WDR36: variants seen among roughly 807,000 people sequenced by gnomAD.
The protein encoded by WDR36 is WD repeat-containing protein 36.
A neutral mutation model predicts 112.7 loss-of-function variants in WDR36; 63 were observed. The observed-to-expected ratio is 0.56, with a 90% CI of 0.46 to 0.69. The LOEUF (loss-of-function observed/expected upper bound fraction) is 0.69. Among genes scored for constraint, WDR36 ranks in the 30% least tolerant of loss-of-function variants. WDR36 has a pLI of 0.00. For synonymous variants in WDR36, 410 were observed against 362.2 expected (o/e 1.13, Z -1.50); for missense variants, 1,226 against 1,070.3 (o/e 1.15, Z -2.03).
At position 111,128,305 on chromosome 5, in the gene WDR36, T is replaced by A. The variant is rs1401298199; in HGVS notation, c.*1422T>A. On this transcript the variant is annotated 3_prime_UTR_variant, in exon 23 of 23. Coordinates refer to ENST00000513710, the MANE Select transcript of WDR36 (RefSeq NM_139281.3). ...AAAGGCATTTACCAGTGATATCTTTTAATATTCATGTTTTTATTTAATGAT... is the reference window on the plus strand; with the variant it reads ...AAAGGCATTTACCAGTGATATCTTTAAATATTCATGTTTTTATTTAATGAT... The A allele has an allele frequency of 1.6e-5, 3 of 186,206 alleles. No homozygotes were observed. The highest frequency in any genetic ancestry group is 1.2e-4 in the Admixed American group (2 of 16,042). The allele number at this position is 186,206 out of a possible 1,614,324, so 11.5% of individuals were successfully genotyped here.
chr5:111,104,698 T>A lies in WDR36; in HGVS notation c.908T>A (p.Ile303Lys). ...VTNGADNALR[I>K]WIFDGPTGEG... ...ACTGACGTTTTTATTTCTTGGCAGA[T>A]ATGGATATTTGATGGTCCTACAGGT... Residue 303 changes from isoleucine to lysine, a missense_variant and splice_region_variant, in exon 9 of 23, where the codon ATA becomes AAA. Physicochemically the swap from Ile to Lys is moderately radical, Grantham distance 102. Coordinates refer to ENST00000513710, the MANE Select transcript of WDR36 (RefSeq NM_139281.3). 6.2e-7 allele frequency: 1 copy of A among 1,611,026 alleles called. No homozygotes were observed. Among genetic ancestry groups the A allele is most frequent in the Non-Finnish European group, 8.5e-7 (1 of 1,177,722 alleles).
Position 111,095,038 on chromosome 5 carries a change from C to G in WDR36, c.190+91C>G, listed in dbSNP as rs148681460. The G allele has an allele frequency of 3.3e-5, 40 of 1,206,330 alleles. No individual in the cohort carries two copies. In the East Asian group the frequency reaches 8.5e-4, roughly 26 times the overall value. The allele number at this position is 1,206,330 out of a possible 1,614,324, so 74.7% of individuals were successfully genotyped here. ...GAGACTTACAGAGCATATAAGGAAG[C>G]CAAGGTAACATGTATGTCTTATAAA... On this transcript the variant is annotated intron_variant, in intron 2 of 22. Transcript: ENST00000513710.
In WDR36 at chr5:111,129,328, A is replaced by G. The variant is rs1753738792; in HGVS notation, c.*2445A>G. ...GAAGAGATACTTCCATTTGGGTTCC[A>G]GAATGGCTGTATCAAGTTACAGTTC... is the stretch of plus-strand genomic sequence containing the variant. On this transcript the variant is annotated 3_prime_UTR_variant, in exon 23 of 23. Coordinates refer to ENST00000513710, the MANE Select transcript of WDR36 (RefSeq NM_139281.3). 5.1e-6 allele frequency: 1 copy of G among 194,622 alleles called. No homozygotes were observed. The allele number at this position is 194,622 out of a possible 1,614,324, so 12.1% of individuals were successfully genotyped here.
At chr5:111,113,976 T>A (rs1753403473) in intron 16 of WDR36, among the ~76,000 whole-genome samples, 1 of 152,164 alleles carries the variant, frequency 6.6e-6, no homozygotes, top group Non-Finnish European at 1.5e-5. Context: ...GGGGATTAAG[T>A]TTAAACATGA....
intron 1 of WDR36, among the ~76,000 whole-genome samples, chr5:111,094,474 A>T (rs1471871930): frequency 6.6e-6 from 1 of 152,044 alleles, no homozygotes; most frequent in East Asian, 1.9e-4. Flanking sequence ...TGACATGTTT[A>T]AATGTTTGTG....
chr5:111,110,190 C>T lies in WDR36; in HGVS notation c.1328C>T (p.Ala443Val). 3.1e-6 allele frequency: 5 copies of T among 1,606,120 alleles called. No homozygotes were observed. Among genetic ancestry groups the T allele is most frequent in the Non-Finnish European group, 4.3e-6 (5 of 1,173,564 alleles). Residue 443 changes from alanine (A) to valine (V), a missense_variant and splice_region_variant, in exon 13 of 23, where the codon GCA becomes GTA. Coordinates refer to ENST00000513710, the MANE Select transcript of WDR36 (RefSeq NM_139281.3). ...ELKKDDITAT[A>V]VDITSCGNFA... ...ATTTGTGGGTTTTTTTTCTTAAAGG[C>T]AGTGGATATAACTTCTTGTGGAAAC...
Position 111,127,143 on chromosome 5 carries a change from C to A in WDR36, c.*260C>A, listed in dbSNP as rs1753691784. 1 of 351,192 alleles carries A rather than the reference C, an allele frequency of 2.8e-6. No homozygotes were observed. The highest frequency in any genetic ancestry group is 2.1e-5 in the African/African-American group (1 of 47,514). 21.8% of individuals were successfully genotyped at this position (351,192 alleles called of 1,614,324 possible). On this transcript the variant is annotated 3_prime_UTR_variant, in exon 23 of 23. Transcript: ENST00000513710. ...CTTGAAGCCAGGAATTTGAGCCCAG[C>A]CTGGGCAACATAGCAAGCAAGATCC... is the stretch of plus-strand genomic sequence containing the variant.
Position 111,126,975 on chromosome 5 carries a change from T to G in WDR36, c.*92T>G. 1 of 1,273,940 alleles carries G rather than the reference T, an allele frequency of 7.8e-7. No homozygotes were observed. Among genetic ancestry groups the G allele is most frequent in the Non-Finnish European group, 1.1e-6 (1 of 931,188 alleles). The allele number at this position is 1,273,940 out of a possible 1,614,324, so 78.9% of individuals were successfully genotyped here. A position where few individuals can be genotyped will look rare whatever the true frequency, so the allele number is the denominator to read the frequency against. ...TCCAAGTGTCAATGTGAAAAGAAAA[T>G]AAATGCTAGCACTACTGACTAGTCA... is the stretch of plus-strand genomic sequence containing the variant. On this transcript the variant is annotated 3_prime_UTR_variant, in exon 23 of 23. Coordinates refer to ENST00000513710, the MANE Select transcript of WDR36 (RefSeq NM_139281.3).
At chr5:111,100,527 A>T in intron 4 of WDR36, 62 bp from the exon 5 acceptor site, 1 of 1,152,730 alleles carries the variant, frequency 8.7e-7, no homozygotes, top group Non-Finnish European at 1.2e-6. Flanking sequence ...TGATAAATAT[A>T]TGGTTACATA....
chr5:111,102,008 T>C (rs1561702772), intron 5 of WDR36, among the ~76,000 whole-genome samples: 1 of 151,808 alleles, frequency 6.6e-6, no homozygotes, highest in Admixed American at 6.6e-5. Flanking sequence ...ATATAAGTTA[T>C]TCCCTTTCAT....
Position 111,093,377 on chromosome 5 carries a change from A to G in WDR36, c.162+759A>G, listed in dbSNP as rs1752909729. The stretch of plus-strand genomic sequence containing the variant: ...TGATAATAGTCAGTGTTAATTAAGT[A>G]CTTTCTTTTCTGGAAAACAGGTAGA... On this transcript the variant is annotated intron_variant, in intron 1 of 22. Transcript: ENST00000513710. Among the ~76,000 whole-genome samples the G allele has an allele frequency of 2.0e-5, 3 of 152,344 alleles. No homozygotes were observed. In the East Asian group the frequency reaches 5.8e-4, roughly 29 times the overall value.
chr5:111,100,808 T>G, intron 5 of WDR36, 87 bp downstream of exon 5: 1 of 1,341,158 alleles, frequency 7.5e-7, no homozygotes, highest in Non-Finnish European at 1.0e-6. Context: ...CATTTCTCCC[T>G]GCCCTTGTAT....
At chr5:111,122,491 C>G (rs1580404510) in intron 19 of WDR36, among the ~76,000 whole-genome samples, 1 of 152,114 alleles carries the variant, frequency 6.6e-6, no homozygotes, top group East Asian at 1.9e-4. Flanking sequence ...CTTTATAAGA[C>G]TAGATAATTT....
At chr5:111,108,118 G>A (rs1001527553) in intron 12 of WDR36, among the ~76,000 whole-genome samples, 7 of 151,202 alleles carry the variant, frequency 4.6e-5, no homozygotes, top group Admixed American at 2.0e-4. Flanking sequence ...TTTTCCATTT[G>A]TTTAGATCTT....
In WDR36 at chr5:111,097,199, T is replaced by C; in HGVS notation, c.291+20T>C. The C allele has an allele frequency of 6.4e-7, 1 of 1,560,830 alleles. No individual in the cohort carries two copies. Among genetic ancestry groups the C allele is most frequent in the Non-Finnish European group, 8.8e-7 (1 of 1,132,594 alleles). ...AAAGAGGTTGGTATCGCTAAACTAC[T>C]TGTTTGTCAGTCAGTATTTGTTTGT... On this transcript the variant is annotated intron_variant, in intron 3 of 22. Transcript: ENST00000513710.
At chr5:111,124,027 A>G in intron 20 of WDR36, 81 bp from the exon 21 acceptor site, 2 of 1,600,812 alleles carry the variant, frequency 1.2e-6, no homozygotes, top group Non-Finnish European at 8.6e-7. Context: ...GGGTAAATTA[A>G]TGATAGCTTT....
chr5:111,126,960 A>G lies in WDR36; in HGVS notation c.*77A>G. 1 of 1,370,004 alleles carries G rather than the reference A, an allele frequency of 7.3e-7. No homozygotes were observed. Among genetic ancestry groups the G allele is most frequent in the Non-Finnish European group, 9.9e-7 (1 of 1,014,096 alleles). The allele number at this position is 1,370,004 out of a possible 1,614,324, so 84.9% of individuals were successfully genotyped here. ...ACTCATTTCTTATTTTCCAAGTGTCAATGTGAAAAGAAAATAAATGCTAGC... is the reference window on the plus strand; with the variant it reads ...ACTCATTTCTTATTTTCCAAGTGTCGATGTGAAAAGAAAATAAATGCTAGC... On this transcript the variant is annotated 3_prime_UTR_variant, in exon 23 of 23. Transcript: ENST00000513710.
At chr5:111,100,825 T>C (rs1753107596) in intron 5 of WDR36, 104 bp downstream of exon 5, 5 of 1,205,796 alleles carry the variant, frequency 4.1e-6, no homozygotes, top group African/African-American at 1.5e-5. Flanking sequence ...GTATATTTAT[T>C]TGGAGGGTTG....
At chr5:111,123,143 G>C (rs1753602349) in intron 19 of WDR36, among the ~76,000 whole-genome samples, 1 of 152,026 alleles carries the variant, frequency 6.6e-6, no homozygotes, top group Non-Finnish European at 1.5e-5. Flanking sequence ...CTGATATGTA[G>C]CAGTGTACTT....
Sources: allele counts gnomAD v4.1 joint callset (sites outside exome capture counted in the v4.1 genomes callset), GRCh38; gene constraint gnomAD v4.1.1; transcripts MANE v1.5; gene names NCBI Gene and HGNC (gene_info 2026-07-23, HGNC 2026-07-21).